Variants in CLASRP observed in about 807,000 individuals in gnomAD.
CLASRP encodes CLK4-associating serine/arginine rich protein.
In CLASRP, 52 loss-of-function variants were observed where a neutral mutation model predicts 99.9. That is an observed-to-expected ratio of 0.52 (90% confidence interval 0.42 to 0.66). CLASRP has a LOEUF of 0.66. Ranked by LOEUF, CLASRP falls within the 30% of genes least tolerant of loss-of-function variation. The pLI is 0.00. For synonymous variants in CLASRP, 379 were observed against 373.0 expected (o/e 1.02, Z -0.18); for missense variants, 848 against 999.2 (o/e 0.85, Z 2.04).
At chr19:45,068,338 A>ACCCC in intron 15 of CLASRP, 82 bp from the exon 16 acceptor site, 1 of 590,952 alleles carries the variant, frequency 1.7e-6, no homozygotes, top group South Asian at 1.9e-5. Flanking sequence ...CCCCGCACAA[A>ACCCC]GCCCCAGGCT....
At chr19:45,050,542 G>A in intron 2 of CLASRP, among the ~76,000 whole-genome samples, 1 of 151,912 alleles carries the variant, frequency 6.6e-6, no homozygotes, top group Non-Finnish European at 1.5e-5. Context: ...AAATTAGCTG[G>A]GCATGGTGGC....
chr19:45,068,763 C>T (rs2122616579), intron 16 of CLASRP, among the ~76,000 whole-genome samples: 1 of 152,162 alleles, frequency 6.6e-6, no homozygotes, highest in East Asian at 1.9e-4. Flanking sequence ...CTTTGGGAGG[C>T]CGAGGTGGGC....
intron 2 of CLASRP, among the ~76,000 whole-genome samples, chr19:45,045,635 G>T (rs952475406): frequency 6.6e-6 from 1 of 152,094 alleles, no homozygotes; most frequent in Non-Finnish European, 1.5e-5. Context: ...ATTTTGGGTC[G>T]CCCTGACCAG....
In CLASRP at chr19:45,052,084, C is replaced by T; in HGVS notation, c.113C>T (p.Ala38Val). The T allele has an allele frequency of 6.2e-7, 1 of 1,613,912 alleles. No individual in the cohort carries two copies. The highest frequency in any genetic ancestry group is 8.5e-7 in the Non-Finnish European group (1 of 1,179,956). Residue 38 changes from alanine to valine, a missense_variant, in exon 3 of 21, where the codon GCC becomes GTC. Physicochemically the swap from Ala to Val is moderately conservative, Grantham distance 64. Around this residue, in one of 8 missense-constraint regions of CLASRP, gnomAD observed 46 missense variants for 96.8 expected, o/e 0.48. Transcript: ENST00000221455. ...TTACCCCTGCAGAAGAAGGACCCAGCCCAGTTCCTGCAGGTACATGGCCGA... is the reference window on the plus strand; with the variant it reads ...TTACCCCTGCAGAAGAAGGACCCAGTCCAGTTCCTGCAGGTACATGGCCGA... ...EYYEKIKKDP[A>V]QFLQVHGRAC...
intron 19 of CLASRP, 26 bp downstream of exon 19, chr19:45,070,130 G>A (rs766680469): frequency 1.4e-6 from 2 of 1,391,046 alleles, no homozygotes; most frequent in Non-Finnish European, 2.0e-6. Flanking sequence ...AGGCTGCAGG[G>A]CTCTGGGGCT....
At chr19:45,061,947 T>C (rs1366922770) in intron 10 of CLASRP, among the ~76,000 whole-genome samples, 2 of 149,820 alleles carry the variant, frequency 1.3e-5, no homozygotes, top group African/African-American at 4.9e-5. Flanking sequence ...TCTAGGACAT[T>C]GTAGGGTGGG....
chr19:45,070,230 G>C, intron 19 of CLASRP, 126 bp downstream of exon 19: 2 of 705,992 alleles, frequency 2.8e-6, no homozygotes, highest in Non-Finnish European at 5.1e-6. Flanking sequence ...ACTTTGGGAG[G>C]CTGAGGTGGG....
chr19:45,045,960 C>T (rs1003377377), intron 2 of CLASRP, among the ~76,000 whole-genome samples: 1 of 152,168 alleles, frequency 6.6e-6, no homozygotes, highest in African/African-American at 2.4e-5. Flanking sequence ...TGTATTCCCC[C>T]TCAGGACAGT....
chr19:45,069,960 G>A (rs889565707), intron 18 of CLASRP, 62 bp from the exon 19 acceptor site: 2 of 916,142 alleles, frequency 2.2e-6, no homozygotes, highest in East Asian at 2.4e-5. Flanking sequence ...GGAAGCACCT[G>A]CCCTCCCTGA....
intron 13 of CLASRP, among the ~76,000 whole-genome samples, chr19:45,066,676 C>T (rs1967095057): frequency 6.7e-6 from 1 of 150,354 alleles, no homozygotes; most frequent in Non-Finnish European, 1.5e-5. Flanking sequence ...GCGTGTGGCC[C>T]AGAATTGGCT....
At chr19:45,059,647 G>A (rs367946378) in intron 8 of CLASRP, among the ~76,000 whole-genome samples, 1 of 152,292 alleles carries the variant, frequency 6.6e-6, no homozygotes, top group Non-Finnish European at 1.5e-5. Flanking sequence ...GGGGGACAGC[G>A]CCCTCTAGTG....
In CLASRP at chr19:45,066,405, A is replaced by G. The variant is rs554301687; in HGVS notation, c.1410-932A>G. On this transcript the variant is annotated intron_variant, in intron 13 of 20. Coordinates refer to ENST00000221455, the MANE Select transcript of CLASRP (RefSeq NM_007056.3). ...AGTGCTGGGATTACAGGCGTGAGCC[A>G]CCGCGCCTGGCCCTTGTTTTCTTAA... Among the ~76,000 whole-genome samples the G allele has an allele frequency of 7.4e-4, 113 of 152,214 alleles. 4 individuals are homozygous for G. The South Asian group carries it at 0.022, about 30-fold the overall frequency.
At chr19:45,046,389 A>G (rs1212417042) in intron 2 of CLASRP, among the ~76,000 whole-genome samples, 1 of 152,228 alleles carries the variant, frequency 6.6e-6, no homozygotes, top group Non-Finnish European at 1.5e-5. Flanking sequence ...GTTTGGATAA[A>G]GAAACAGAAT....
In CLASRP at chr19:45,070,547, C is replaced by T. The variant is rs749708374; in HGVS notation, c.1968C>T (p.Tyr656=). 8.1e-6 allele frequency: 13 copies of T among 1,613,602 alleles called. No individual in the cohort carries two copies. Among genetic ancestry groups the T allele is most frequent in the South Asian group, 1.1e-5 (1 of 91,084 alleles). Reference sequence around the variant, plus strand: ...TTGTTTTCTTTCCAGGTCGAGAATACAGCTCTTCTCGAAGGTAAGGAAGCC... The same window carrying T: ...TTGTTTTCTTTCCAGGTCGAGAATATAGCTCTTCTCGAAGGTAAGGAAGCC... The part of the protein sequence containing the change: ...RSPSPRYSRE[Y]SSSRRRSRSR... Residue 656 remains tyrosine (Y), a synonymous_variant, in exon 20 of 21, where the codon TAC becomes TAT. Transcript: ENST00000221455.
chr19:45,061,900 A>AGCT (rs1217484311), intron 10 of CLASRP, among the ~76,000 whole-genome samples: 2 of 151,002 alleles, frequency 1.3e-5, no homozygotes, highest in African/African-American at 4.9e-5. Flanking sequence ...GCAGAACCAG[A>AGCT]GCTGCTGAAG....
chr19:45,068,162 C>A (rs1303773388), intron 15 of CLASRP, 108 bp downstream of exon 15: 2 of 984,952 alleles, frequency 2.0e-6, no homozygotes, highest in East Asian at 5.0e-5. Flanking sequence ...GAGATCCAGC[C>A]CCAGGGACAG....
In CLASRP at chr19:45,067,041, C is replaced by T. The variant is rs1057329409; in HGVS notation, c.1410-296C>T. On this transcript the variant is annotated intron_variant, in intron 13 of 20. Coordinates refer to ENST00000221455, the MANE Select transcript of CLASRP (RefSeq NM_007056.3). This position sits in a 1 kb window ranked among gnomAD's most constrained non-coding sequence, Gnocchi z 4.9. ...AGCCAGCCATCCCTCCCAGAGCTCACCTCCCGGGAAGTTAGCAAGCGGGTG... is the reference window on the plus strand; with the variant it reads ...AGCCAGCCATCCCTCCCAGAGCTCATCTCCCGGGAAGTTAGCAAGCGGGTG... Among the ~76,000 whole-genome samples, 4 of 152,174 alleles carry T rather than the reference C, an allele frequency of 2.6e-5. No homozygotes were observed. Among genetic ancestry groups the T allele is most frequent in the Non-Finnish European group, 5.9e-5 (4 of 68,036 alleles).
rs1375773526 is a variant in CLASRP at position 45,052,869 on chromosome 19, C to T, written c.276C>T (p.Tyr92=). ...CCCACCTGGACCACATCCCCGACTA[C>T]ACCCCCCCTCTGCTCACCACCATGT... ...VRAHLDHIPD[Y]TPPLLTTISP... The change falls in exon 4 of 21, where the codon TAC becomes TAT. Residue 92 remains tyrosine (Y), a synonymous_variant. Transcript: ENST00000221455. 5 of 1,611,252 alleles carry T rather than the reference C, an allele frequency of 3.1e-6. No homozygotes were observed. The highest frequency in any genetic ancestry group is 4.2e-6 in the Non-Finnish European group (5 of 1,178,926).
In CLASRP at chr19:45,059,244, C is replaced by G. The variant is rs770944052; in HGVS notation, c.614-24C>G. The G allele has an allele frequency of 2.5e-6, 4 of 1,596,998 alleles. No individual in the cohort carries two copies. The South Asian group carries it at 3.4e-5, about 14-fold the overall frequency. On this transcript the variant is annotated intron_variant, in intron 7 of 20. Coordinates refer to ENST00000221455, the MANE Select transcript of CLASRP (RefSeq NM_007056.3). Reference sequence around the variant, plus strand: ...CTGTCCTCTCGCTCGGCCGTGGCTCCTGACAGCCTTTCTCTTGGTGCAGAC... The same window carrying G: ...CTGTCCTCTCGCTCGGCCGTGGCTCGTGACAGCCTTTCTCTTGGTGCAGAC...
Sources: allele counts gnomAD v4.1 joint callset (sites outside exome capture counted in the v4.1 genomes callset), GRCh38; gene constraint gnomAD v4.1.1; regional missense constraint gnomAD v4.1.1; non-coding constraint Gnocchi (gnomAD v3.1); transcripts MANE v1.5; gene names NCBI Gene and HGNC (gene_info 2026-07-23, HGNC 2026-07-21).